Variants in MCTP1 observed in about 807,000 individuals in gnomAD.
MCTP1 encodes the protein multiple C2 and transmembrane domain containing 1.
Under a neutral mutation model 120.6 loss-of-function variants are expected in MCTP1, and 69 were observed. That is an observed-to-expected ratio of 0.57 (90% CI 0.47 to 0.70). The LOEUF is 0.70. MCTP1 is among the 30% of genes least tolerant of loss of function. The pLI is 0.00. For missense variants in MCTP1, 1,203 were observed against 1,248.8 expected, an observed-to-expected ratio of 0.96 and a Z score of 0.55; for synonymous variants, 529 against 493.1, an observed-to-expected ratio of 1.07 and a Z score of -0.96.
chr5:94,991,160 C>A (rs924113143), intron 2 of MCTP1, among the ~76,000 whole-genome samples: 1 of 152,104 alleles, frequency 6.6e-6, no homozygotes, highest in Non-Finnish European at 1.5e-5. Context: ...AAAGATAATT[C>A]CTTATTTTCT....
At chr5:94,724,299 G>T (rs1013666606) in intron 19 of MCTP1, among the ~76,000 whole-genome samples, 43 of 151,996 alleles carry the variant, frequency 2.8e-4, no homozygotes, top group African/African-American at 9.9e-4. Context: ...AGGCTGGAGT[G>T]CAGTGGCTCC....
intron 17 of MCTP1, among the ~76,000 whole-genome samples, chr5:94,799,380 A>C (rs1780731922): frequency 6.6e-6 from 1 of 152,070 alleles, no homozygotes; most frequent in African/African-American, 2.4e-5. Flanking sequence ...TTACGTTGTC[A>C]AAGACGAAAT....
At chr5:95,156,441 A>T (rs1745141176) in intron 1 of MCTP1, among the ~76,000 whole-genome samples, 1 of 152,230 alleles carries the variant, frequency 6.6e-6, no homozygotes. Flanking sequence ...ATTCTACTGA[A>T]TATGCATTAC....
chr5:95,223,526 G>A (rs2152620866), intron 1 of MCTP1, among the ~76,000 whole-genome samples: 1 of 152,122 alleles, frequency 6.6e-6, no homozygotes, highest in East Asian at 1.9e-4. Context: ...AAGGGGGAGT[G>A]GACCAGGTAC....
intron 19 of MCTP1, among the ~76,000 whole-genome samples, chr5:94,754,101 G>T (rs1769167080): frequency 6.6e-6 from 1 of 152,080 alleles, no homozygotes; most frequent in African/African-American, 2.4e-5. Flanking sequence ...TTACCCTTGA[G>T]GCCAGAATTC....
chr5:94,966,971 T>C (rs1315814251), intron 2 of MCTP1, among the ~76,000 whole-genome samples: 3 of 152,206 alleles, frequency 2.0e-5, no homozygotes, highest in African/African-American at 4.8e-5. Context: ...ATGATCATTT[T>C]ACAAAAAACG....
At chr5:94,893,471 G>C (rs1037318025) in intron 11 of MCTP1, among the ~76,000 whole-genome samples, 2 of 152,116 alleles carry the variant, frequency 1.3e-5, no homozygotes, top group Admixed American at 6.6e-5. Context: ...AATATCTTAG[G>C]CTCTTAGGTG....
chr5:94,778,569 T>C (rs1290704394), intron 19 of MCTP1, among the ~76,000 whole-genome samples: 1 of 152,192 alleles, frequency 6.6e-6, no homozygotes, highest in Non-Finnish European at 1.5e-5. Flanking sequence ...CCTCTCTGAA[T>C]GGGCTTTCCT....
At chr5:95,283,743 G>C (rs1292788703) in intron 1 of MCTP1, 113 bp downstream of exon 1, 1 of 759,032 alleles carries the variant, frequency 1.3e-6, no homozygotes, top group Non-Finnish European at 1.9e-6. Flanking sequence ...AGAATTAATA[G>C]CATTTCTCCT....
At chr5:95,180,838 TTTATATATCA>T (rs2152514010) in intron 1 of MCTP1, among the ~76,000 whole-genome samples, 1 of 152,304 alleles carries the variant, frequency 6.6e-6, no homozygotes, top group African/African-American at 2.4e-5. Context: ...CTTCTCCATC[TTTATATATCA>T]TACCATTATA....
intron 17 of MCTP1, among the ~76,000 whole-genome samples, chr5:94,832,957 A>G (rs1463074905): frequency 6.6e-6 from 1 of 152,242 alleles, no homozygotes; most frequent in East Asian, 1.9e-4. Context: ...GTGGGTAGAG[A>G]TAATGAGATA....
chr5:94,840,238 C>G (rs1790712193), intron 17 of MCTP1, among the ~76,000 whole-genome samples: 1 of 152,080 alleles, frequency 6.6e-6, no homozygotes, highest in Admixed American at 6.5e-5. Context: ...CTAAGTAAGT[C>G]AATGGAAGAA....
chr5:95,191,126 C>T (rs1749783337), intron 1 of MCTP1, among the ~76,000 whole-genome samples: 1 of 151,860 alleles, frequency 6.6e-6, no homozygotes, highest in Non-Finnish European at 1.5e-5. Context: ...CTGTTTTGTC[C>T]AATTTACTTT....
intron 12 of MCTP1, among the ~76,000 whole-genome samples, chr5:94,875,716 A>G (rs1352251461): frequency 6.6e-6 from 1 of 152,012 alleles, no homozygotes; most frequent in African/African-American, 2.4e-5. Flanking sequence ...TTTGACGCTG[A>G]AAAACAATTC....
intron 1 of MCTP1, among the ~76,000 whole-genome samples, chr5:95,091,094 C>T (rs1222201704): frequency 6.6e-6 from 1 of 152,276 alleles, no homozygotes; most frequent in East Asian, 1.9e-4. Context: ...TCCCATTCCA[C>T]ACCTTCCCCC....
chr5:95,156,066 C>T (rs1387707170), intron 1 of MCTP1, among the ~76,000 whole-genome samples: 1 of 152,176 alleles, frequency 6.6e-6, no homozygotes, highest in Non-Finnish European at 1.5e-5. Context: ...TTTCTAGGAA[C>T]TAGGAACACA....
chr5:95,251,907 G>A (rs921699779), intron 1 of MCTP1, among the ~76,000 whole-genome samples: 3 of 151,914 alleles, frequency 2.0e-5, no homozygotes, highest in Non-Finnish European at 2.9e-5. Context: ...AGTGTTGAGT[G>A]CATATAATTA....
chr5:94,920,272 G>GTT (rs5869657), intron 7 of MCTP1, among the ~76,000 whole-genome samples: 6,430 of 128,128 alleles, frequency 0.05, 231 homozygotes, highest in East Asian at 0.11. Context: ...ACAGAGACCT[G>GTT]TTTTTTTTTT....
chr5:95,284,384 T>A lies in MCTP1; in HGVS notation c.192A>T (p.Thr64=). 1 of 1,593,896 alleles carries A rather than the reference T, an allele frequency of 6.3e-7. No homozygotes were observed. Among genetic ancestry groups the A allele is most frequent in the Non-Finnish European group, 8.5e-7 (1 of 1,178,320 alleles). Residue 64 remains threonine (T), a synonymous_variant, in exon 1 of 23, where the codon ACA becomes ACT. Coordinates refer to ENST00000515393, the MANE Select transcript of MCTP1 (RefSeq NM_024717.7). This position sits in a 1 kb window ranked among gnomAD's most constrained non-coding sequence, Gnocchi z 5.2. The part of the protein sequence containing the change: ...PSPSPPPPVG[T]GNAPARGSGA... ...CACTCCCCCTGGCCGGTGCATTCCC[T>A]GTGCCCACCGGGGGTGGCGGGGAGG...
Sources: allele counts gnomAD v4.1 joint callset (sites outside exome capture counted in the v4.1 genomes callset), GRCh38; gene constraint gnomAD v4.1.1; non-coding constraint Gnocchi (gnomAD v3.1); transcripts MANE v1.5; gene names NCBI Gene and HGNC (gene_info 2026-07-23, HGNC 2026-07-21).